The following ADARB2 variants were observed in gnomAD, a reference collection of about 807,000 sequenced individuals.
The protein encoded by ADARB2 is adenosine deaminase RNA specific B2 (inactive).
Under a neutral mutation model 62.2 loss-of-function variants are expected in ADARB2, and 25 were observed. That is an observed-to-expected ratio of 0.40 (90% CI 0.29 to 0.56). The LOEUF is 0.56. Among genes scored for constraint, ADARB2 ranks in the 20% least tolerant of loss-of-function variants. ADARB2 has a pLI of 0.43. For missense variants in ADARB2, 1,071 were observed against 1,077.4 expected (o/e 0.99, Z 0.08); for synonymous variants, 572 against 500.8 (o/e 1.14, Z -1.90).
intron 1 of ADARB2, among the ~76,000 whole-genome samples, chr10:1,617,697 C>T (rs1833660249): frequency 6.6e-6 from 1 of 151,320 alleles, no homozygotes; most frequent in African/African-American, 2.4e-5. Context: ...CCCTGCTGTG[C>T]TCTGCATCCT....
At chr10:1,448,010 T>A (rs1830992973) in intron 1 of ADARB2, among the ~76,000 whole-genome samples, 1 of 152,246 alleles carries the variant, frequency 6.6e-6, no homozygotes, top group Non-Finnish European at 1.5e-5. Flanking sequence ...TCCATGTATT[T>A]GCTATTGTGA....
At chr10:1,337,240 T>C (rs1831983325) in intron 3 of ADARB2, among the ~76,000 whole-genome samples, 1 of 152,076 alleles carries the variant, frequency 6.6e-6, no homozygotes, top group African/African-American at 2.4e-5. Context: ...AATAATCAAG[T>C]ATTAGGAAAC....
chr10:1,318,225 C>T (rs1466038273), intron 3 of ADARB2, among the ~76,000 whole-genome samples: 1 of 152,172 alleles, frequency 6.6e-6, no homozygotes, highest in Non-Finnish European at 1.5e-5. Flanking sequence ...CACAGAGAAG[C>T]GTGTAGTCAC....
intron 9 of ADARB2, 89 bp downstream of exon 9, chr10:1,184,772 C>G: frequency 7.0e-7 from 1 of 1,428,772 alleles, no homozygotes; most frequent in Non-Finnish European, 9.4e-7. Flanking sequence ...CCCTGCAGAC[C>G]AAGTGTTGGC....
intron 4 of ADARB2, among the ~76,000 whole-genome samples, chr10:1,265,951 G>A (rs1246550804): frequency 2.4e-5 from 3 of 125,604 alleles, no homozygotes; most frequent in Admixed American, 7.5e-5. Flanking sequence ...CGGCCTGAGA[G>A]GGGGGCCCAG....
chr10:1,642,567 T>A (rs1261341924), intron 1 of ADARB2, among the ~76,000 whole-genome samples: 2 of 152,202 alleles, frequency 1.3e-5, no homozygotes, highest in Admixed American at 1.3e-4. Context: ...CACATTGGTA[T>A]AATTTATATA....
intron 1 of ADARB2, among the ~76,000 whole-genome samples, chr10:1,597,081 G>A (rs549065022): frequency 1.0e-3 from 152 of 152,208 alleles, no homozygotes; most frequent in Non-Finnish European, 1.3e-3. Flanking sequence ...TGATTATATA[G>A]GCACAGAGCA....
At chr10:1,327,898 G>A (rs1831889229) in intron 3 of ADARB2, among the ~76,000 whole-genome samples, 1 of 151,690 alleles carries the variant, frequency 6.6e-6, no homozygotes, top group South Asian at 2.1e-4. Context: ...TCACAGCTCA[G>A]CGCCTCCTCA....
At chr10:1,325,882 T>C (rs1475711690) in intron 3 of ADARB2, among the ~76,000 whole-genome samples, 1 of 152,190 alleles carries the variant, frequency 6.6e-6, no homozygotes, top group African/African-American at 2.4e-5. Context: ...GGAGGTGAAT[T>C]AATCATCCCA....
intron 1 of ADARB2, among the ~76,000 whole-genome samples, chr10:1,675,607 TG>T (rs1362203783): frequency 6.8e-6 from 1 of 148,006 alleles, no homozygotes; most frequent in African/African-American, 2.5e-5. Flanking sequence ...AGGCTTGGGT[TG>T]GGGGGTACAT....
chr10:1,580,957 C>A lies in ADARB2; in HGVS notation c.100+156094G>T, dbSNP rs536426927. Among the ~76,000 whole-genome samples, 10 of 152,338 alleles carry A rather than the reference C, an allele frequency of 6.6e-5. No individual in the cohort carries two copies. The East Asian group carries it at 1.9e-3, about 29-fold the overall frequency. On this transcript the variant is annotated intron_variant, in intron 1 of 9. Coordinates refer to ENST00000381312, the MANE Select transcript of ADARB2 (RefSeq NM_018702.4). ...CATGCACCATCGTGCGGATGAAGCCCAGTGCTTATTCCCTCACCCACTGAA... is the reference window on the plus strand; with the variant it reads ...CATGCACCATCGTGCGGATGAAGCCAAGTGCTTATTCCCTCACCCACTGAA...
chr10:1,335,287 AATGGATGGAGGG>A (rs1171400487), intron 3 of ADARB2, among the ~76,000 whole-genome samples: 1 of 67,596 alleles, frequency 1.5e-5, no homozygotes, highest in Non-Finnish European at 3.5e-5. Context: ...AGAATGGAGG[AATGGATGGAGGG>A]AGATATGCAG....
intron 1 of ADARB2, among the ~76,000 whole-genome samples, chr10:1,435,381 A>G (rs1185210639): frequency 6.6e-6 from 1 of 152,120 alleles, no homozygotes; most frequent in Non-Finnish European, 1.5e-5. Flanking sequence ...AGATGTTCTA[A>G]TCTCTGCTGT....
intron 1 of ADARB2, among the ~76,000 whole-genome samples, chr10:1,593,455 C>T (rs1039255795): frequency 3.3e-5 from 5 of 152,236 alleles, no homozygotes; most frequent in South Asian, 2.1e-4. Flanking sequence ...ACCATGAGTG[C>T]CCAATACTCT....
chr10:1,612,275 G>C (rs992181709), intron 1 of ADARB2, among the ~76,000 whole-genome samples: 2 of 152,150 alleles, frequency 1.3e-5, no homozygotes, highest in Admixed American at 6.5e-5. Flanking sequence ...AGGAGGGAAT[G>C]GGCGTGTTCC....
chr10:1,263,722 G>A (rs1831166417), intron 4 of ADARB2, among the ~76,000 whole-genome samples: 1 of 152,116 alleles, frequency 6.6e-6, no homozygotes, highest in South Asian at 2.1e-4. Context: ...AAGGCATTTG[G>A]TGAGGATTTA....
intron 1 of ADARB2, among the ~76,000 whole-genome samples, chr10:1,659,805 CT>C (rs1834221350): frequency 6.6e-6 from 1 of 150,886 alleles, no homozygotes; most frequent in Non-Finnish European, 1.5e-5. Context: ...CACCCTCTTC[CT>C]CCATTGCCTG....
chr10:1,259,696 T>C (rs1473100990), intron 4 of ADARB2, among the ~76,000 whole-genome samples: 1 of 152,148 alleles, frequency 6.6e-6, no homozygotes, highest in Non-Finnish European at 1.5e-5. Context: ...ACCAGATGGA[T>C]TCACAGCCGA....
intron 1 of ADARB2, among the ~76,000 whole-genome samples, chr10:1,405,734 C>T (rs1832702181): frequency 6.6e-6 from 1 of 152,048 alleles, no homozygotes; most frequent in Admixed American, 6.6e-5. Flanking sequence ...AAGCTGTGCA[C>T]CAAGATACAC....
Sources: allele counts gnomAD v4.1 joint callset (sites outside exome capture counted in the v4.1 genomes callset), GRCh38; gene constraint gnomAD v4.1.1; transcripts MANE v1.5; gene names NCBI Gene and HGNC (gene_info 2026-07-23, HGNC 2026-07-21).